ATP2C1: variants seen among roughly 807,000 people sequenced by gnomAD.
The protein encoded by ATP2C1 is calcium-transporting ATPase type 2C member 1.
ATP2C1 carries 31 observed loss-of-function variants against 120.5 expected under a neutral mutation model. The observed-to-expected ratio is 0.26, with a 90% CI of 0.19 to 0.35. The LOEUF is 0.35. ATP2C1 is among the 10% of genes least tolerant of loss of function. The pLI is 1.00. For missense variants in ATP2C1, 731 were observed against 1,107.5 expected (o/e 0.66, Z 4.83); for synonymous variants, 351 against 358.7 (o/e 0.98, Z 0.24).
chr3:130,981,744 C>G (rs909980819), intron 20 of ATP2C1, among the ~76,000 whole-genome samples: 2 of 152,184 alleles, frequency 1.3e-5, no homozygotes, highest in Non-Finnish European at 1.5e-5. Context: ...CCCTCCTCCC[C>G]CATTCTGATA....
chr3:131,014,493 T>G (rs2063494899), intron 26 of ATP2C1: 1 of 1,070,352 alleles, frequency 9.3e-7, no homozygotes, highest in South Asian at 1.7e-5. Context: ...ATGAGAGCTC[T>G]TATTGCTCTA....
At chr3:130,877,905 T>G (rs936583639) in intron 1 of ATP2C1, among the ~76,000 whole-genome samples, 2 of 152,022 alleles carry the variant, frequency 1.3e-5, no homozygotes, top group Non-Finnish European at 2.9e-5. Context: ...CCAACAGTGA[T>G]AGACTGGATT....
At chr3:130,946,132 G>A (rs1374509143) in intron 8 of ATP2C1, among the ~76,000 whole-genome samples, 1 of 152,124 alleles carries the variant, frequency 6.6e-6, no homozygotes, top group Non-Finnish European at 1.5e-5. Flanking sequence ...TTCTTTCAGA[G>A]AATTACCACT....
intron 23 of ATP2C1, 59 bp from the exon 24 acceptor site, chr3:130,996,621 A>G: frequency 9.0e-7 from 1 of 1,105,776 alleles, no homozygotes. Context: ...AAAAAGTGGT[A>G]TCATAGAATC....
At chr3:130,936,669 T>C (rs2059683545) in intron 5 of ATP2C1, among the ~76,000 whole-genome samples, 1 of 151,382 alleles carries the variant, frequency 6.6e-6, no homozygotes, top group Non-Finnish European at 1.5e-5. Context: ...AAAAAAAAAT[T>C]AGCTGGGCGT....
intron 10 of ATP2C1, 83 bp downstream of exon 10, chr3:130,955,163 A>G: frequency 2.1e-6 from 2 of 967,102 alleles, no homozygotes; most frequent in Admixed American, 1.8e-5. Flanking sequence ...ATTATTTTAT[A>G]TACTATTGAG....
intron 1 of ATP2C1, among the ~76,000 whole-genome samples, chr3:130,880,174 T>C (rs2068737291): frequency 6.6e-6 from 1 of 152,240 alleles, no homozygotes; most frequent in Admixed American, 6.5e-5. Flanking sequence ...AAGGGCCTGG[T>C]GTCATTTTTA....
chr3:130,885,300 G>A (rs1359717592), intron 1 of ATP2C1, among the ~76,000 whole-genome samples: 1 of 152,104 alleles, frequency 6.6e-6, no homozygotes, highest in East Asian at 1.9e-4. Flanking sequence ...CAGCCACTCT[G>A]TGTCTTTTGG....
intron 1 of ATP2C1, among the ~76,000 whole-genome samples, chr3:130,883,365 T>C (rs771447831): frequency 3.9e-5 from 6 of 152,198 alleles, no homozygotes; most frequent in Non-Finnish European, 7.3e-5. Flanking sequence ...TCTTTATTAC[T>C]TCTTTTTTCC....
Position 130,964,217 on chromosome 3 carries a change from A to G in ATP2C1, c.1024+122A>G, listed in dbSNP as rs76799180. On this transcript the variant is annotated intron_variant, in intron 13 of 27. Transcript: ENST00000510168. ...GCATAATGATGTTTGGCTTATGGCA[A>G]AATTGGATATGGTTTTAACAACCAA... 8,272 of 1,414,980 alleles carry G rather than the reference A, an allele frequency of 5.8e-3. 381 individuals are homozygous for G. In the African/African-American group the frequency reaches 0.099, roughly 17 times the overall value. 87.7% of individuals were successfully genotyped at this position (1,414,980 alleles called of 1,614,324 possible).
chr3:130,867,296 G>GTCCCTGTCCCTC (rs1553744491), intron 1 of ATP2C1, among the ~76,000 whole-genome samples: 3 of 134,860 alleles, frequency 2.2e-5, no homozygotes, highest in Non-Finnish European at 3.1e-5. Context: ...AGAAATGATT[G>GTCCCTGTCCCTC]TCCCTCTCCC....
chr3:130,999,715 ATGTGT>A (rs2062798549), intron 27 of ATP2C1, 56 bp downstream of exon 27: 2 of 1,478,798 alleles, frequency 1.4e-6, no homozygotes, highest in Non-Finnish European at 1.9e-6. Flanking sequence ...ATATTTTCTA[ATGTGT>A]TTGTTTTAAT....
chr3:130,980,472 A>T, intron 19 of ATP2C1, 110 bp from the exon 20 acceptor site: 1 of 743,032 alleles, frequency 1.3e-6, no homozygotes, highest in Admixed American at 2.0e-5. Context: ...TATTACTGGT[A>T]GGTAACAAAA....
chr3:130,929,692 G>A (rs1433629061), intron 2 of ATP2C1, among the ~76,000 whole-genome samples: 1 of 152,170 alleles, frequency 6.6e-6, no homozygotes, highest in Non-Finnish European at 1.5e-5. Flanking sequence ...CTCAAAACAA[G>A]TCTGTGTTGA....
chr3:130,939,554 T>TAAACCAG (rs2059807974), intron 6 of ATP2C1, among the ~76,000 whole-genome samples: 2 of 152,176 alleles, frequency 1.3e-5, no homozygotes, highest in Non-Finnish European at 1.5e-5. Flanking sequence ...CCAGAAGACA[T>TAAACCAG]AAGTAAAGAT....
intron 2 of ATP2C1, among the ~76,000 whole-genome samples, chr3:130,922,319 T>A (rs1172001531): frequency 6.6e-6 from 1 of 152,228 alleles, no homozygotes; most frequent in Non-Finnish European, 1.5e-5. Context: ...CCTGTTTCAT[T>A]TCTAATTGAG....
chr3:130,871,084 A>G (rs760809858), intron 1 of ATP2C1, among the ~76,000 whole-genome samples: 1 of 152,226 alleles, frequency 6.6e-6, no homozygotes, highest in African/African-American at 2.4e-5. Flanking sequence ...GCAATAAAGT[A>G]TTTTTTAACT....
chr3:131,002,967 G>T lies in ATP2C1; in HGVS notation c.*1617G>T, dbSNP rs892179641. On this transcript the variant is annotated 3_prime_UTR_variant, in exon 28 of 28. Transcript: ENST00000510168. ...TAATCAACTCTATCATTAGTGACTT[G>T]ATGTCTCATACCTTAATTTTGTAAT... 1 of 985,550 alleles carries T rather than the reference G, an allele frequency of 1.0e-6. No homozygotes were observed. The highest frequency in any genetic ancestry group is 1.7e-5 in the African/African-American group (1 of 57,202). The allele number at this position is 985,550 out of a possible 1,614,324, so 61.1% of individuals were successfully genotyped here. A position where few individuals can be genotyped will look rare whatever the true frequency, so the allele number is the denominator to read the frequency against.
At chr3:130,866,730 A>G (rs1020400037) in intron 1 of ATP2C1, among the ~76,000 whole-genome samples, 11 of 152,344 alleles carry the variant, frequency 7.2e-5, no homozygotes, top group Admixed American at 2.6e-4. Context: ...TTTTAGGCCA[A>G]TAAGTGTCTA....
Sources: gnomAD v4.1 joint callset for allele counts (sites outside exome capture counted in the v4.1 genomes callset) on GRCh38, gnomAD v4.1.1 for gene constraint, MANE v1.5 for transcripts, NCBI Gene and HGNC (gene_info 2026-07-23, HGNC 2026-07-21) for gene names.